Variants in GRIP2 observed in about 807,000 individuals in gnomAD.
GRIP2 encodes glutamate receptor-interacting protein 2.
A neutral mutation model predicts 108.3 loss-of-function variants in GRIP2; 58 were observed. The observed-to-expected ratio is 0.54, with a 90% CI of 0.43 to 0.67. The LOEUF (loss-of-function observed/expected upper bound fraction) is 0.67, where lower values mean the gene tolerates loss of function less well. GRIP2 is among the 30% of genes least tolerant of loss of function. GRIP2 has a pLI of 0.00. For missense variants in GRIP2, 1,278 were observed against 1,430.6 expected, an observed-to-expected ratio of 0.89 and a Z score of 1.72; for synonymous variants, 586 against 598.2, an observed-to-expected ratio of 0.98 and a Z score of 0.30.
chr3:14,561,009 G>C (rs895857414), upstream of GRIP2, among the ~76,000 whole-genome samples: 2 of 152,212 alleles, frequency 1.3e-5, no homozygotes, highest in Admixed American at 6.5e-5. Flanking sequence ...TACTTTGGGT[G>C]CAGGGGCCCC....
chr3:14,557,306 C>T (rs377425671), upstream of GRIP2, among the ~76,000 whole-genome samples: 20 of 152,348 alleles, frequency 1.3e-4, no homozygotes, highest in East Asian at 2.3e-3. Context: ...ATCTCCCAGC[C>T]CTTCTGATTC....
At chr3:14,541,760 C>T (rs1310183796), upstream of GRIP2, 2 of 669,726 alleles carry the variant, frequency 3.0e-6, no homozygotes, top group South Asian at 1.6e-5. Context: ...AGCAGTGATG[C>T]CAAGGTCTCA....
chr3:14,494,542 T>C (rs1291535393), intron 23 of GRIP2, among the ~76,000 whole-genome samples: 1 of 152,228 alleles, frequency 6.6e-6, no homozygotes, highest in African/African-American at 2.4e-5. Flanking sequence ...TCTCCTCTGC[T>C]GTGGAGTCTG....
chr3:14,555,711 C>T (rs1228940784), intron 1 of GRIP2, among the ~76,000 whole-genome samples: 2 of 151,866 alleles, frequency 1.3e-5, no homozygotes, highest in East Asian at 1.9e-4. Flanking sequence ...GGAAGCAGAG[C>T]GGTGGAGAGA....
chr3:14,549,498 T>C (rs1490986687), intron 1 of GRIP2, among the ~76,000 whole-genome samples: 1 of 152,142 alleles, frequency 6.6e-6, no homozygotes, highest in East Asian at 1.9e-4. Flanking sequence ...GTGGTGGCCA[T>C]TCACCCCGTT....
At chr3:14,559,771 A>G (rs1249829039), upstream of GRIP2, among the ~76,000 whole-genome samples, 1 of 152,028 alleles carries the variant, frequency 6.6e-6, no homozygotes, top group African/African-American at 2.4e-5. Flanking sequence ...GTCCTCTAAA[A>G]ACTCCTGGCA....
chr3:14,502,604 A>G (rs989014553), intron 21 of GRIP2, among the ~76,000 whole-genome samples: 9 of 152,240 alleles, frequency 5.9e-5, no homozygotes, highest in Non-Finnish European at 1.2e-4. Flanking sequence ...ACAAAACAGA[A>G]TTTAATTTAA....
At chr3:14,557,727 T>A (rs1400396200), upstream of GRIP2, among the ~76,000 whole-genome samples, 9 of 152,242 alleles carry the variant, frequency 5.9e-5, no homozygotes, top group Non-Finnish European at 8.8e-5. Flanking sequence ...CCTCTGCAGT[T>A]GAGAGGCGTG....
the GRIP2 span, among the ~76,000 whole-genome samples, chr3:14,582,143 G>A: frequency 3.3e-5 from 5 of 152,190 alleles, no homozygotes; most frequent in East Asian, 3.9e-4. Flanking sequence ...TAAGAGTCTC[G>A]CAGCTCCACT....
At chr3:14,567,942 C>T in the GRIP2 span, among the ~76,000 whole-genome samples, 30 of 152,168 alleles carry the variant, frequency 2.0e-4, no homozygotes, top group African/African-American at 6.8e-4. Context: ...GAATAGGGGA[C>T]CCAACCATGC....
chr3:14,523,695 G>A lies in GRIP2; in HGVS notation c.407C>T (p.Pro136Leu), dbSNP rs1304606135. 5.6e-6 allele frequency: 9 copies of A among 1,608,078 alleles called. No individual in the cohort carries two copies. The highest frequency in any genetic ancestry group is 7.6e-6 in the Non-Finnish European group (9 of 1,176,938). ...EVEYELPPPAPENNPRIISKT... is the reference protein window; with the variant it reads ...EVEYELPPPALENNPRIISKT... ...TGAAATGATCCTGGGGTTATTCTCA[G>A]GAGCTGGGGAGAAATGGAGGACTCC... Residue 136 changes from proline (P) to leucine (L), a missense_variant, in exon 5 of 24, where the codon CCT becomes CTT. Pro to Leu is a moderately conservative substitution (Grantham distance 98). Coordinates refer to ENST00000621039, the MANE Select transcript of GRIP2 (RefSeq NM_001080423.4).
upstream of GRIP2, among the ~76,000 whole-genome samples, chr3:14,557,775 GCAAA>G (rs1391241756): frequency 6.6e-6 from 1 of 152,244 alleles, no homozygotes; most frequent in African/African-American, 2.4e-5. Context: ...GCTTAGCTGT[GCAAA>G]CAGAGAGGAA....
intron 1 of GRIP2, among the ~76,000 whole-genome samples, chr3:14,539,450 C>T (rs1694908562): frequency 1.3e-5 from 2 of 152,134 alleles, no homozygotes; most frequent in Non-Finnish European, 2.9e-5. Flanking sequence ...GGGTGTCAAT[C>T]CCAGCTCGGC....
chr3:14,493,932 G>T, intron 23 of GRIP2, 106 bp from the exon 24 acceptor site: 2 of 1,212,056 alleles, frequency 1.7e-6, no homozygotes, highest in Non-Finnish European at 2.3e-6. Context: ...CCCCAGCCTT[G>T]ACGCAAGCCC....
At chr3:14,571,755 T>C in the GRIP2 span, among the ~76,000 whole-genome samples, 6 of 152,348 alleles carry the variant, frequency 3.9e-5, no homozygotes, top group African/African-American at 1.2e-4. Flanking sequence ...CGGGGGACTC[T>C]GACTCAGAAT....
rs1293278529 is a variant in GRIP2, at chr3:14,493,730, G to A, written c.3067C>T (p.Pro1023Ser). 2.5e-6 allele frequency: 4 copies of A among 1,608,918 alleles called. No homozygotes were observed. The African/African-American group carries it at 5.3e-5, about 21-fold the overall frequency. Residue 1023 changes from proline (P) to serine (S), a missense_variant, in exon 24 of 24, where the codon CCG becomes TCG. Pro to Ser is a moderately conservative substitution (Grantham distance 74). Coordinates refer to ENST00000621039, the MANE Select transcript of GRIP2 (RefSeq NM_001080423.4). ...DVLELIISRK[P>S]HTAHSSRAPR... is the part of the protein sequence containing the mutation. ...GCCCGGCTGCTGTGTGCCGTGTGCGGCTTGCGGCTGATGATCAGCTCCAAG... is the reference window on the plus strand; with the variant it reads ...GCCCGGCTGCTGTGTGCCGTGTGCGACTTGCGGCTGATGATCAGCTCCAAG...
chr3:14,574,685 A>C, the GRIP2 span: 4 of 625,410 alleles, frequency 6.4e-6, no homozygotes, highest in South Asian at 5.8e-5. Flanking sequence ...AGCTGGCTGG[A>C]GTGAAGCTTC....
chr3:14,573,161 C>A, the GRIP2 span: 1 of 1,437,334 alleles, frequency 7.0e-7, no homozygotes, highest in South Asian at 1.1e-5. Context: ...GCACCACAGC[C>A]AGCAGCTTGA....
chr3:14,543,409 G>A (rs1005733181), upstream of GRIP2, among the ~76,000 whole-genome samples: 3 of 152,228 alleles, frequency 2.0e-5, no homozygotes, highest in African/African-American at 4.8e-5. Flanking sequence ...GTAGTGCAGC[G>A]GGGTGAGACA....
Sources: allele counts gnomAD v4.1 joint callset (sites outside exome capture counted in the v4.1 genomes callset), GRCh38; gene constraint gnomAD v4.1.1; transcripts MANE v1.5; gene names NCBI Gene and HGNC (gene_info 2026-07-23, HGNC 2026-07-21).